GRM7: variants seen among roughly 807,000 people sequenced by gnomAD.
The protein encoded by GRM7 is metabotropic glutamate receptor 7.
A neutral mutation model predicts 84.5 loss-of-function variants in GRM7; 35 were observed. The ratio of observed to expected loss-of-function variants is 0.41; its 90% CI spans 0.32 to 0.55. The LOEUF is 0.55. Among genes scored for constraint, GRM7 ranks in the 20% least tolerant of loss-of-function variants. The pLI, the probability that GRM7 is intolerant of heterozygous loss-of-function variation, is 0.19. For missense variants in GRM7, 1,003 were observed against 1,194.6 expected (o/e 0.84, Z 2.36); for synonymous variants, 487 against 455.1 (o/e 1.07, Z -0.89).
chr3:7,556,351 C>T (rs145611148), intron 7 of GRM7, among the ~76,000 whole-genome samples: 2 of 152,042 alleles, frequency 1.3e-5, no homozygotes, highest in Non-Finnish European at 2.9e-5. Context: ...CCATAGTAAC[C>T]TCTATGTTTT....
chr3:7,173,920 C>G (rs138633467), intron 2 of GRM7, among the ~76,000 whole-genome samples: 111 of 152,348 alleles, frequency 7.3e-4, no homozygotes, highest in African/African-American at 2.5e-3. Flanking sequence ...TCTCTATCCT[C>G]TAAATTGCAA....
chr3:7,148,937 G>T (rs566259321), intron 2 of GRM7, among the ~76,000 whole-genome samples: 1 of 151,846 alleles, frequency 6.6e-6, no homozygotes, highest in East Asian at 1.9e-4. Flanking sequence ...CCTCTTCAAG[G>T]TATTAATAAT....
intron 9 of GRM7, 84 bp from the exon 10 acceptor site, chr3:7,740,272 AC>A: frequency 1.2e-6 from 1 of 855,470 alleles, no homozygotes; most frequent in South Asian, 1.5e-5. Flanking sequence ...TTGACTTTGC[AC>A]CTCAAGTGAA....
chr3:6,917,124 GT>G (rs1422888423), intron 1 of GRM7, among the ~76,000 whole-genome samples: 1 of 152,148 alleles, frequency 6.6e-6, no homozygotes, highest in African/African-American at 2.4e-5. Context: ...TTTCTCAACT[GT>G]CCATTGATAA....
At chr3:7,264,217 G>A (rs1312306187) in intron 2 of GRM7, among the ~76,000 whole-genome samples, 2 of 152,122 alleles carry the variant, frequency 1.3e-5, no homozygotes, top group Non-Finnish European at 2.9e-5. Flanking sequence ...GGGCAAGACC[G>A]CCCTGCAGAA....
At chr3:7,646,838 G>T (rs574483152) in intron 8 of GRM7, among the ~76,000 whole-genome samples, 4 of 152,336 alleles carry the variant, frequency 2.6e-5, no homozygotes, top group South Asian at 4.1e-4. Flanking sequence ...TAATTCCACA[G>T]CTGGGCTGTT....
chr3:7,502,037 CTG>C (rs1190794263), intron 7 of GRM7, among the ~76,000 whole-genome samples: 2 of 152,208 alleles, frequency 1.3e-5, no homozygotes, highest in East Asian at 3.8e-4. Flanking sequence ...TCAATCAAAA[CTG>C]GACTGAAATT....
chr3:7,732,299 C>G (rs1287299669), intron 9 of GRM7, among the ~76,000 whole-genome samples: 1 of 152,166 alleles, frequency 6.6e-6, no homozygotes, highest in African/African-American at 2.4e-5. Flanking sequence ...ACATTGCACA[C>G]TTCCCAAGCA....
chr3:7,136,558 A>G (rs1234202306), intron 1 of GRM7, among the ~76,000 whole-genome samples: 1 of 152,136 alleles, frequency 6.6e-6, no homozygotes, highest in Non-Finnish European at 1.5e-5. Context: ...GAGGAAAAGA[A>G]AAGGTGAGAA....
At chr3:7,446,812 A>G (rs62233372) in intron 5 of GRM7, among the ~76,000 whole-genome samples, 55,114 of 151,942 alleles carry the variant, frequency 0.36, 11,297 homozygotes, top group Non-Finnish European at 0.48. Context: ...TTCATTTTCC[A>G]TATCTTTTTT....
chr3:7,019,258 T>A (rs1695683112), intron 1 of GRM7, among the ~76,000 whole-genome samples: 1 of 152,134 alleles, frequency 6.6e-6, no homozygotes, highest in Admixed American at 6.5e-5. Context: ...ACATCTCCCA[T>A]CAGAGTCACA....
intron 9 of GRM7, among the ~76,000 whole-genome samples, chr3:7,729,494 C>T (rs1045911697): frequency 7.2e-5 from 11 of 152,108 alleles, no homozygotes; most frequent in African/African-American, 2.7e-4. Context: ...TTTGTCAGCT[C>T]TGATTTCAAT....
Position 6,974,015 on chromosome 3 carries a change from G to T in GRM7, c.519+112108G>T, listed in dbSNP as rs1015323048. On this transcript the variant is annotated intron_variant, in intron 1 of 9. Transcript: ENST00000357716. ...TCCTATAAAAAGCCAGGAGGGATATGATGGTAGCTCAGACCAGAGTGCAAA... is the reference window on the plus strand; with the variant it reads ...TCCTATAAAAAGCCAGGAGGGATATTATGGTAGCTCAGACCAGAGTGCAAA... 3.9e-5 allele frequency among the ~76,000 whole-genome samples: 6 copies of T among 152,228 alleles called. No individual in the cohort carries two copies. The South Asian group carries it at 1.2e-3, about 32-fold the overall frequency.
chr3:6,932,106 A>G (rs1697522058), intron 1 of GRM7, among the ~76,000 whole-genome samples: 1 of 152,182 alleles, frequency 6.6e-6, no homozygotes, highest in South Asian at 2.1e-4. Flanking sequence ...AAAGTTAAAC[A>G]CTGCAACAAC....
chr3:7,397,658 A>C (rs1000615782), intron 4 of GRM7, among the ~76,000 whole-genome samples: 1 of 152,156 alleles, frequency 6.6e-6, no homozygotes, highest in Admixed American at 6.6e-5. Flanking sequence ...ATCACATCAC[A>C]TGTACCCCAT....
At chr3:7,091,922 T>C (rs1299160770) in intron 1 of GRM7, among the ~76,000 whole-genome samples, 2 of 151,554 alleles carry the variant, frequency 1.3e-5, no homozygotes, top group Non-Finnish European at 2.9e-5. Flanking sequence ...AGGAATCACA[T>C]GGTATAACTT....
intron 1 of GRM7, among the ~76,000 whole-genome samples, chr3:6,930,911 C>T (rs1697476562): frequency 6.6e-6 from 1 of 152,164 alleles, no homozygotes; most frequent in African/African-American, 2.4e-5. Context: ...TGCTTCCCAC[C>T]TGGTCATTTT....
chr3:7,735,610 T>C (rs1487326474), intron 9 of GRM7, among the ~76,000 whole-genome samples: 1 of 152,168 alleles, frequency 6.6e-6, no homozygotes, highest in Non-Finnish European at 1.5e-5. Flanking sequence ...AAAATGAACT[T>C]TTACATAAAA....
At chr3:7,449,755 A>G (rs895233651) in intron 5 of GRM7, among the ~76,000 whole-genome samples, 1 of 152,158 alleles carries the variant, frequency 6.6e-6, no homozygotes, top group African/African-American at 2.4e-5. Context: ...CTGCATAGCT[A>G]TATGGTAAGA....
Sources: allele counts gnomAD v4.1 joint callset (sites outside exome capture counted in the v4.1 genomes callset), GRCh38; gene constraint gnomAD v4.1.1; transcripts MANE v1.5; gene names NCBI Gene and HGNC (gene_info 2026-07-23, HGNC 2026-07-21).